The following GLS variants were observed in gnomAD, a reference collection of about 807,000 sequenced individuals.
The protein encoded by GLS is glutaminase, also known as glutaminase kidney isoform, mitochondrial.
A neutral mutation model predicts 86.7 loss-of-function variants in GLS; 36 were observed. That is an observed-to-expected ratio of 0.42 (90% CI 0.32 to 0.55). GLS has a LOEUF of 0.55. GLS is among the 20% of genes least tolerant of loss of function. The pLI, the probability that GLS is intolerant of heterozygous loss-of-function variation, is 0.17. For missense variants in GLS, 528 were observed against 833.4 expected, an observed-to-expected ratio of 0.63 and a Z score of 4.51; for synonymous variants, 317 against 305.9, an observed-to-expected ratio of 1.04 and a Z score of -0.38.
chr2:190,959,243 C>CT (rs56693446), intron 17 of GLS, among the ~76,000 whole-genome samples: 4,132 of 135,578 alleles, frequency 0.03, 103 homozygotes, highest in African/African-American at 0.066. Flanking sequence ...GCAACCCCTG[C>CT]TTTTTTTTTT....
intron 1 of GLS, 182 bp downstream of exon 1, chr2:190,881,652 C>T (rs1688193473): frequency 3.6e-6 from 2 of 558,400 alleles, no homozygotes; most frequent in Admixed American, 4.2e-5. Flanking sequence ...GCGCCTTCCC[C>T]GCCCGCAACC....
In GLS at chr2:190,913,748, G is replaced by A; in HGVS notation, c.1038+3427G>A. The A allele has an allele frequency of 1.0e-6, 1 of 978,904 alleles. No individual in the cohort carries two copies. The highest frequency in any genetic ancestry group is 1.2e-6 in the Non-Finnish European group (1 of 824,082). 60.6% of individuals were successfully genotyped at this position (978,904 alleles called of 1,614,324 possible). On this transcript the variant is annotated intron_variant, in intron 7 of 17. Coordinates refer to ENST00000320717, the MANE Select transcript of GLS (RefSeq NM_014905.5). The surrounding 1 kb of genome is among the most constrained non-coding windows in gnomAD (Gnocchi z 6.1). ...ATTGCCACACTTAATGCTTTTTCAT[G>A]TTAGAAATAGTAAAAGTTACACTGT...
intron 6 of GLS, among the ~76,000 whole-genome samples, chr2:190,909,860 A>G (rs1391132183): frequency 6.6e-6 from 1 of 152,050 alleles, no homozygotes; most frequent in Non-Finnish European, 1.5e-5. Flanking sequence ...TGGGCAACAT[A>G]GGGAGATCCT....
rs1338395648 is a variant in GLS, at chr2:190,947,539, C to T, written c.1651-6026C>T. ...TCTGCCCAGGTGCAGTGTCTCTTTG[C>T]CATGGGGAGGTATACATTAAACATC... On this transcript the variant is annotated intron_variant, in intron 14 of 17. Coordinates refer to ENST00000320717, the MANE Select transcript of GLS (RefSeq NM_014905.5). The surrounding 1 kb of genome is among the most constrained non-coding windows in gnomAD (Gnocchi z 5.0). Among the ~76,000 whole-genome samples the T allele has an allele frequency of 6.6e-6, 1 of 152,120 alleles. No individual in the cohort carries two copies. The highest frequency in any genetic ancestry group is 1.9e-4 in the East Asian group (1 of 5,198).
intron 1 of GLS, among the ~76,000 whole-genome samples, chr2:190,884,267 T>G (rs556568996): frequency 6.6e-6 from 1 of 152,356 alleles, no homozygotes; most frequent in East Asian, 1.9e-4. Flanking sequence ...CTCATCTTTG[T>G]GTAGGTAATA....
At chr2:190,957,687 C>A (rs776636892) in intron 17 of GLS, among the ~76,000 whole-genome samples, 1 of 152,120 alleles carries the variant, frequency 6.6e-6, no homozygotes, top group Non-Finnish European at 1.5e-5. Context: ...GTCATTGGTT[C>A]TGTTTATGTG....
In GLS at chr2:190,905,004, G is replaced by T; in HGVS notation, c.816G>T (p.Arg272Ser). 6.5e-7 allele frequency: 1 copy of T among 1,541,322 alleles called. No homozygotes were observed. Among genetic ancestry groups the T allele is most frequent in the Non-Finnish European group, 8.9e-7 (1 of 1,120,474 alleles). The change falls in exon 6 of 18, where the codon AGG becomes AGT. Residue 272 changes from arginine (R) to serine (S), a missense_variant and splice_region_variant. By Grantham distance (110) the Arg-to-Ser change is moderately radical. Around this residue, in one of 4 missense-constraint regions of GLS, gnomAD observed 111 missense variants for 179.5 expected, o/e 0.62. Coordinates refer to ENST00000320717, the MANE Select transcript of GLS (RefSeq NM_014905.5). The surrounding 1 kb of genome is among the most constrained non-coding windows in gnomAD (Gnocchi z 4.6). ...TTTTTAAAAATCTCCTTTTAAATAG[G>T]CATTCTACTGGAGATACCAAAGTTC... ...GVSVCTVDGQ[R>S]HSTGDTKVPF... is the part of the protein sequence containing the mutation.
At chr2:190,945,395 G>A (rs574543659) in intron 14 of GLS, among the ~76,000 whole-genome samples, 1 of 152,156 alleles carries the variant, frequency 6.6e-6, no homozygotes, top group Admixed American at 6.5e-5. Flanking sequence ...AGGCATGGTG[G>A]CTCACACATG....
intron 14 of GLS, among the ~76,000 whole-genome samples, chr2:190,941,900 C>T (rs1261935216): frequency 6.6e-6 from 1 of 151,860 alleles, no homozygotes; most frequent in African/African-American, 2.4e-5. Flanking sequence ...CTTCCTGGGG[C>T]CCATTCCTAC....
chr2:190,889,261 TTA>T (rs1688487487), intron 1 of GLS, among the ~76,000 whole-genome samples: 1 of 152,198 alleles, frequency 6.6e-6, no homozygotes, highest in Admixed American at 6.5e-5. Flanking sequence ...CTAATTCAAT[TTA>T]TAGAGTTAAT....
intron 1 of GLS, among the ~76,000 whole-genome samples, chr2:190,892,525 T>C (rs1263930215): frequency 6.6e-6 from 1 of 152,158 alleles, no homozygotes; most frequent in Non-Finnish European, 1.5e-5. Flanking sequence ...ACTATATAGT[T>C]ACCAAAAGCT....
intron 1 of GLS, 137 bp downstream of exon 1, chr2:190,881,607 C>G: frequency 1.2e-6 from 1 of 827,618 alleles, no homozygotes; most frequent in Non-Finnish European, 1.8e-6. Context: ...GCGGCCTGCG[C>G]CGTCTGCGCC....
chr2:190,958,744 AAT>A (rs1252933383), intron 17 of GLS, among the ~76,000 whole-genome samples: 5 of 152,150 alleles, frequency 3.3e-5, no homozygotes, highest in Non-Finnish European at 7.3e-5. Context: ...TGAGTTTGTT[AAT>A]CCTGAGTTCT....
chr2:190,937,212 A>G (rs1029153586), intron 14 of GLS, among the ~76,000 whole-genome samples: 12 of 151,494 alleles, frequency 7.9e-5, no homozygotes, highest in African/African-American at 2.4e-4. Flanking sequence ...TTTTATTTCA[A>G]ATTGTAACAA....
intron 3 of GLS, among the ~76,000 whole-genome samples, chr2:190,898,412 C>T (rs1559319769): frequency 1.3e-5 from 2 of 152,116 alleles, no homozygotes; most frequent in South Asian, 4.1e-4. Flanking sequence ...CTTCTCATTT[C>T]CTAGTTAGAC....
In GLS at chr2:190,950,014, G is replaced by A. The variant is rs965119875; in HGVS notation, c.1651-3551G>A. ...AATACAATATATATATATATATGAA[G>A]GGGAAAAGCAAGGTAAGGGATAAGG... On this transcript the variant is annotated intron_variant, in intron 14 of 17. Transcript: ENST00000320717. Among the ~76,000 whole-genome samples the A allele has an allele frequency of 2.0e-5, 3 of 150,878 alleles. No homozygotes were observed. The South Asian group carries it at 6.3e-4, about 32-fold the overall frequency.
In GLS at chr2:190,912,569, A is replaced by G. The variant is rs73981369; in HGVS notation, c.1038+2248A>G. Among the ~76,000 whole-genome samples the G allele has an allele frequency of 5.0e-3, 764 of 152,248 alleles. 6 individuals are homozygous for G. Among genetic ancestry groups the G allele is most frequent in the African/African-American group, 0.018 (732 of 41,564 alleles). On this transcript the variant is annotated intron_variant, in intron 7 of 17. Transcript: ENST00000320717. Reference sequence around the variant, plus strand: ...GGTTTGAAATTTAGGTAATAAAACCATAGCCAAAAGGCCTTAAAAATTGTC... The same window carrying G: ...GGTTTGAAATTTAGGTAATAAAACCGTAGCCAAAAGGCCTTAAAAATTGTC...
intron 14 of GLS, among the ~76,000 whole-genome samples, chr2:190,952,055 C>T (rs1690732022): frequency 6.6e-6 from 1 of 152,130 alleles, no homozygotes; most frequent in Non-Finnish European, 1.5e-5. Context: ...AAACAACAAA[C>T]TCTATGCATT....
intron 7 of GLS, among the ~76,000 whole-genome samples, chr2:190,912,127 TAAACA>T (rs1689381077): frequency 6.6e-6 from 1 of 152,124 alleles, no homozygotes. Flanking sequence ...TGAGTGATTA[TAAACA>T]AAGTTAAAAG....
Sources: allele counts gnomAD v4.1 joint callset (sites outside exome capture counted in the v4.1 genomes callset), GRCh38; gene constraint gnomAD v4.1.1; regional missense constraint gnomAD v4.1.1; non-coding constraint Gnocchi (gnomAD v3.1); transcripts MANE v1.5; gene names NCBI Gene and HGNC (gene_info 2026-07-23, HGNC 2026-07-21).